Variants in PKIB observed in about 807,000 individuals in gnomAD.
PKIB encodes the protein PKI-beta.
Under a neutral mutation model 4.5 loss-of-function variants are expected in PKIB, and 2 were observed. That is an observed-to-expected ratio of 0.44 (90% CI 0.18 to 1.39). PKIB has a LOEUF of 1.39. PKIB is among the 40% of genes most tolerant of loss of function. The pLI is 0.27. For synonymous variants in PKIB, 38 were observed against 36.0 expected, an observed-to-expected ratio of 1.06 and a Z score of -0.20; for missense variants, 94 against 92.6, an observed-to-expected ratio of 1.02 and a Z score of -0.06.
At chr6:122,647,155 C>T (rs1202849359) in intron 2 of PKIB, among the ~76,000 whole-genome samples, 1 of 152,118 alleles carries the variant, frequency 6.6e-6, no homozygotes, top group South Asian at 2.1e-4. Context: ...GGTGGAAACT[C>T]TGGGGCAAGA....
At chr6:122,558,338 C>G (rs1772909519) in intron 2 of PKIB, among the ~76,000 whole-genome samples, 1 of 152,162 alleles carries the variant, frequency 6.6e-6, no homozygotes. Flanking sequence ...TAAGAATATT[C>G]TTTCCTCAAT....
At chr6:122,497,346 TTA>T in intron 2 of PKIB, among the ~76,000 whole-genome samples, 1 of 152,258 alleles carries the variant, frequency 6.6e-6, no homozygotes, top group South Asian at 2.1e-4. Flanking sequence ...GCTAACAACT[TTA>T]TGATAGAATC....
intron 2 of PKIB, chr6:122,643,884 G>A (rs1300953289): frequency 6.6e-6 from 1 of 151,992 alleles, no homozygotes; most frequent in Non-Finnish European, 1.5e-5. Flanking sequence ...TTAAATTGCT[G>A]GAAGACATCA....
At chr6:122,567,426 C>T (rs529441567) in intron 2 of PKIB, among the ~76,000 whole-genome samples, 85 of 152,252 alleles carry the variant, frequency 5.6e-4, no homozygotes, top group African/African-American at 1.9e-3. Context: ...TGTTTCTATT[C>T]CCCAGTCCTT....
At chr6:122,512,130 A>G (rs1776606706) in intron 2 of PKIB, among the ~76,000 whole-genome samples, 1 of 152,236 alleles carries the variant, frequency 6.6e-6, no homozygotes, top group Admixed American at 6.5e-5. Flanking sequence ...TGGTATCCTA[A>G]CACACCAGTA....
intron 2 of PKIB, among the ~76,000 whole-genome samples, chr6:122,547,597 C>CA (rs1366688141): frequency 6.6e-6 from 1 of 151,136 alleles, no homozygotes; most frequent in Non-Finnish European, 1.5e-5. Context: ...CTCAGCCTCT[C>CA]AAAGTGCTGG....
chr6:122,610,278 C>G (rs1029221380), upstream of PKIB: 2 of 152,240 alleles, frequency 1.3e-5, no homozygotes, highest in Non-Finnish European at 1.5e-5. Flanking sequence ...TGCGGTGGCC[C>G]GGTTTGCACG....
intron 2 of PKIB, among the ~76,000 whole-genome samples, chr6:122,558,644 G>C (rs1217229197): frequency 6.6e-6 from 1 of 151,968 alleles, no homozygotes; most frequent in African/African-American, 2.4e-5. Flanking sequence ...ATTTCTTTTA[G>C]TACATACATT....
At chr6:122,556,010 T>A (rs1772826498) in intron 2 of PKIB, among the ~76,000 whole-genome samples, 1 of 152,214 alleles carries the variant, frequency 6.6e-6, no homozygotes, top group Admixed American at 6.5e-5. Flanking sequence ...TGGTTCTGTG[T>A]GCCCACCCAA....
At chr6:122,600,513 G>A (rs555574035) in intron 3 of PKIB, among the ~76,000 whole-genome samples, 3 of 152,214 alleles carry the variant, frequency 2.0e-5, no homozygotes, top group African/African-American at 7.2e-5. Context: ...CTTGTTCCTT[G>A]CAGCAAAAGT....
At chr6:122,613,781 T>G (rs1774866137) in intron 1 of PKIB, among the ~76,000 whole-genome samples, 1 of 151,706 alleles carries the variant, frequency 6.6e-6, no homozygotes, top group Non-Finnish European at 1.5e-5. Context: ...CTAGCCAACA[T>G]GGTGAAACCC....
intron 2 of PKIB, among the ~76,000 whole-genome samples, chr6:122,518,009 T>C (rs1046089455): frequency 1.8e-4 from 28 of 152,358 alleles, no homozygotes; most frequent in African/African-American, 6.3e-4. Flanking sequence ...AGCATGTTCA[T>C]GTAAAATTAA....
intron 2 of PKIB, among the ~76,000 whole-genome samples, chr6:122,569,793 C>T (rs1381793708): frequency 6.6e-6 from 1 of 152,344 alleles, no homozygotes; most frequent in Middle Eastern, 3.4e-3. Context: ...AGAACCACAT[C>T]AAGGGAACAC....
At chr6:122,722,259 C>G (rs1024678228) in intron 4 of PKIB, among the ~76,000 whole-genome samples, 1 of 152,106 alleles carries the variant, frequency 6.6e-6, no homozygotes, top group Non-Finnish European at 1.5e-5. Flanking sequence ...CTGCAATCAT[C>G]TTTGAATGTA....
At chr6:122,659,871 A>T (rs1776918218) in intron 2 of PKIB, among the ~76,000 whole-genome samples, 1 of 152,160 alleles carries the variant, frequency 6.6e-6, no homozygotes, top group South Asian at 2.1e-4. Context: ...AATTAAAAGA[A>T]AAAAATGGAA....
chr6:122,572,446 C>G (rs933494507), intron 2 of PKIB, among the ~76,000 whole-genome samples: 1 of 151,886 alleles, frequency 6.6e-6, no homozygotes, highest in African/African-American at 2.4e-5. Context: ...AGTGACACAA[C>G]TTATCAAAAC....
intron 3 of PKIB, among the ~76,000 whole-genome samples, chr6:122,596,283 T>C (rs1039566556): frequency 2.0e-5 from 3 of 152,196 alleles, no homozygotes; most frequent in African/African-American, 7.2e-5. Flanking sequence ...CAGGCCCTAG[T>C]CTTCTCTTCC....
chr6:122,480,786 C>G (rs985345220), intron 2 of PKIB: 3 of 152,128 alleles, frequency 2.0e-5, no homozygotes, highest in African/African-American at 4.8e-5. Flanking sequence ...AAAGGTTACT[C>G]TCTAAAGCTT....
At chr6:122,566,987 G>A (rs537822044) in intron 2 of PKIB, among the ~76,000 whole-genome samples, 154 of 152,218 alleles carry the variant, frequency 1.0e-3, no homozygotes, top group African/African-American at 3.4e-3. Context: ...CTCCTGGCTC[G>A]ATATACAGTG....
Sources: allele counts gnomAD v4.1 joint callset (sites outside exome capture counted in the v4.1 genomes callset), GRCh38; gene constraint gnomAD v4.1.1; transcripts MANE v1.5; gene names NCBI Gene and HGNC (gene_info 2026-07-23, HGNC 2026-07-21).